The following AAMDC variants were observed in gnomAD, a reference collection of about 807,000 sequenced individuals.
AAMDC encodes the protein mth938 domain-containing protein.
AAMDC carries 16 observed loss-of-function variants against 15.5 expected under a neutral mutation model. That is an observed-to-expected ratio of 1.03 (90% confidence interval 0.70 to 1.57). AAMDC has a LOEUF of 1.57. Ranked by LOEUF, AAMDC falls within the 40% of genes most tolerant of loss-of-function variation. AAMDC has a pLI of 0.00. For missense variants in AAMDC, 141 were observed against 144.9 expected (o/e 0.97, Z 0.14); for synonymous variants, 51 against 51.6 (o/e 0.99, Z 0.05).
intron 1 of AAMDC, among the ~76,000 whole-genome samples, chr11:77,821,834 G>T (rs1162624433): frequency 6.6e-6 from 1 of 152,164 alleles, no homozygotes; most frequent in African/African-American, 2.4e-5. Context: ...ATGCTTAGAA[G>T]CCTGAGCTTT....
At chr11:77,857,828 C>G (rs1375605726) in intron 2 of AAMDC, among the ~76,000 whole-genome samples, 1 of 151,942 alleles carries the variant, frequency 6.6e-6, no homozygotes, top group East Asian at 1.9e-4. Flanking sequence ...TCCCAAGTAG[C>G]TGGGACGACA....
At chr11:77,824,127 A>G (rs144372607) in intron 1 of AAMDC, among the ~76,000 whole-genome samples, 1 of 152,344 alleles carries the variant, frequency 6.6e-6, no homozygotes, top group East Asian at 1.9e-4. Flanking sequence ...TTCCTTCACT[A>G]AAGTCTGTTC....
intron 2 of AAMDC, among the ~76,000 whole-genome samples, chr11:77,853,528 C>T (rs1369030104): frequency 6.6e-6 from 1 of 152,144 alleles, no homozygotes; most frequent in South Asian, 2.1e-4. Context: ...TGGCCTCACA[C>T]CAGGCCCCTT....
chr11:77,872,044 T>TG, intron 3 of AAMDC, 131 bp from the exon 4 acceptor site: 1 of 1,042,812 alleles, frequency 9.6e-7, no homozygotes, highest in Non-Finnish European at 1.3e-6. Context: ...TTTGGACTGG[T>TG]GATACACTGA....
chr11:77,837,446 T>G (rs1050214301), intron 1 of AAMDC, among the ~76,000 whole-genome samples: 3 of 149,062 alleles, frequency 2.0e-5, no homozygotes. Flanking sequence ...CTTTGGTTTT[T>G]GTTTGTTTGT....
At chr11:77,849,702 A>G (rs1276089262) in intron 2 of AAMDC, among the ~76,000 whole-genome samples, 2 of 152,104 alleles carry the variant, frequency 1.3e-5, no homozygotes, top group African/African-American at 4.8e-5. Flanking sequence ...ATTTCATAAC[A>G]CATATTTGAA....
chr11:77,833,412 T>A (rs1949543826), intron 1 of AAMDC, among the ~76,000 whole-genome samples: 1 of 152,112 alleles, frequency 6.6e-6, no homozygotes, highest in Non-Finnish European at 1.5e-5. Context: ...CCTAAATCCC[T>A]CACATGTGCA....
intron 5 of AAMDC, chr11:77,891,615 T>C (rs1211755381): frequency 6.3e-7 from 1 of 1,581,030 alleles, no homozygotes; most frequent in Admixed American, 1.7e-5. Context: ...TCAAAGAAGA[T>C]CACCAAGGTA....
chr11:77,826,634 T>C (rs978920976), intron 1 of AAMDC, among the ~76,000 whole-genome samples: 2 of 152,098 alleles, frequency 1.3e-5, no homozygotes, highest in African/African-American at 4.8e-5. Context: ...GGCTAGCCAG[T>C]CTGTCTCCAA....
downstream of AAMDC, chr11:77,903,550 G>C (rs1448104191): frequency 6.2e-7 from 1 of 1,613,846 alleles, no homozygotes; most frequent in African/African-American, 1.3e-5. Context: ...CTGTTTCGCT[G>C]CTGCTGAGGC....
At chr11:77,841,607 C>T (rs975327822) in intron 1 of AAMDC, among the ~76,000 whole-genome samples, 1 of 152,140 alleles carries the variant, frequency 6.6e-6, no homozygotes, top group African/African-American at 2.4e-5. Context: ...TCTTGCTTAT[C>T]CACTGTGTAT....
At chr11:77,878,592 A>C in intron 5 of AAMDC, 1 of 560,004 alleles carries the variant, frequency 1.8e-6, no homozygotes, top group East Asian at 2.9e-5. Context: ...CTATAGCTCA[A>C]ATAACCAGTT....
chr11:77,874,764 C>T (rs936722595), downstream of AAMDC, among the ~76,000 whole-genome samples: 9 of 152,102 alleles, frequency 5.9e-5, no homozygotes, highest in Admixed American at 1.3e-4. Flanking sequence ...TGGCCGGGTG[C>T]GGTGGCTCAC....
intron 1 of AAMDC, among the ~76,000 whole-genome samples, chr11:77,833,481 G>T (rs188400070): frequency 1.2e-4 from 19 of 152,098 alleles, no homozygotes; most frequent in African/African-American, 4.3e-4. Flanking sequence ...TGTGTCAGGA[G>T]GTAGAGCTCG....
chr11:77,891,379 G>C, intron 5 of AAMDC: 1 of 1,611,858 alleles, frequency 6.2e-7, no homozygotes, highest in Non-Finnish European at 8.5e-7. Flanking sequence ...CAACATCCAG[G>C]GCAACCACCA....
chr11:77,840,118 A>G (rs1392252988), intron 1 of AAMDC, among the ~76,000 whole-genome samples: 1 of 152,098 alleles, frequency 6.6e-6, no homozygotes, highest in East Asian at 1.9e-4. Context: ...ACACACACAC[A>G]CAACACCCAG....
At chr11:77,858,562 C>A (rs921687808) in intron 2 of AAMDC, among the ~76,000 whole-genome samples, 2 of 152,034 alleles carry the variant, frequency 1.3e-5, no homozygotes, top group African/African-American at 4.8e-5. Flanking sequence ...ATGTGGTCAC[C>A]TTCCCAGCTA....
chr11:77,825,931 A>T (rs1392787889), intron 1 of AAMDC, among the ~76,000 whole-genome samples: 1 of 152,018 alleles, frequency 6.6e-6, no homozygotes, highest in East Asian at 1.9e-4. Context: ...ACCTCAGATG[A>T]TCTGCTCACC....
At chr11:77,850,979 G>A (rs1468054267) in intron 2 of AAMDC, 2 of 118,454 alleles carry the variant, frequency 1.7e-5, no homozygotes, top group African/African-American at 6.7e-5. Context: ...TTTTTGAGAT[G>A]GAGTCTCGCT....
Sources: gnomAD v4.1 joint callset for allele counts (sites outside exome capture counted in the v4.1 genomes callset) on GRCh38, gnomAD v4.1.1 for gene constraint, MANE v1.5 for transcripts, NCBI Gene and HGNC (gene_info 2026-07-23, HGNC 2026-07-21) for gene names.